Variants in PRKD3 observed in about 807,000 individuals in gnomAD.
PRKD3 encodes the protein protein kinase D3, also known as serine/threonine-protein kinase D3.
PRKD3 carries 47 observed loss-of-function variants against 99.2 expected under a neutral mutation model. That is an observed-to-expected ratio of 0.47 (90% CI 0.38 to 0.60). PRKD3 has a LOEUF of 0.60. PRKD3 is among the 20% of genes least tolerant of loss of function. The pLI is 0.00. For synonymous variants in PRKD3, 392 were observed against 355.4 expected (o/e 1.10, Z -1.16); for missense variants, 1,019 against 1,088.4 (o/e 0.94, Z 0.90).
chr2:37,272,317 T>C, intron 12 of PRKD3, 63 bp downstream of exon 12: 1 of 1,577,430 alleles, frequency 6.3e-7, no homozygotes, highest in Non-Finnish European at 8.6e-7. Flanking sequence ...AATAAAGATT[T>C]TCACCTTTTA....
In PRKD3 at chr2:37,269,657, C is replaced by T; in HGVS notation, c.1735G>A (p.Asp579Asn). ...AACTGGCCTGAACCAAGCACCTCAT[C>T]TGCAAAGATCTGGTAAACAGTACTG... ...DISTVYQIFA[D>N]EVLGSGQFGI... The change falls in exon 13 of 19, where the codon GAT (aspartate) becomes AAT (asparagine). Residue 579 changes from aspartate (D) to asparagine (N), a missense_variant. Physicochemically the swap from Asp to Asn is conservative, Grantham distance 23. This residue lies in a region of PRKD3 where 184 missense variants were observed against 275.1 expected (regional missense o/e 0.67). Coordinates refer to ENST00000234179, the MANE Select transcript of PRKD3 (RefSeq NM_005813.6). 3 of 1,612,702 alleles carry T rather than the reference C, an allele frequency of 1.9e-6. No individual in the cohort carries two copies. Among genetic ancestry groups the T allele is most frequent in the South Asian group, 1.1e-5 (1 of 91,044 alleles).
intron 2 of PRKD3, among the ~76,000 whole-genome samples, chr2:37,304,715 C>A (rs1671081404): frequency 1.4e-5 from 2 of 147,728 alleles, no homozygotes. Context: ...GCACTCCAGC[C>A]TGGGTGAAAG....
In PRKD3 at chr2:37,291,017, A is replaced by G. The variant is rs1277935641; in HGVS notation, c.428-18T>C. On this transcript the variant is annotated intron_variant, in intron 3 of 18. Transcript: ENST00000234179. ...GGCTAAAGCTTTAAAAAAGAAAAGT[A>G]TTACAATACACGTTGTATTTGTACT... 1 of 1,590,680 alleles carries G rather than the reference A, an allele frequency of 6.3e-7. No individual in the cohort carries two copies. The highest frequency in any genetic ancestry group is 1.8e-5 in the Admixed American group (1 of 56,060).
chr2:37,289,068 T>TA (rs1177999447), intron 5 of PRKD3, among the ~76,000 whole-genome samples: 21 of 109,452 alleles, frequency 1.9e-4, no homozygotes, highest in South Asian at 8.2e-4. Flanking sequence ...AAACAAAAAT[T>TA]AAAAAAAAAA....
chr2:37,253,097 A>G lies in PRKD3; in HGVS notation c.*80T>C. ...TCATATCTTTGCAGCACTGCAGATG[A>G]CAATCTACAAAGAACAAGTTACACA... is the stretch of plus-strand genomic sequence containing the variant. On this transcript the variant is annotated 3_prime_UTR_variant, in exon 19 of 19. Transcript: ENST00000234179. 1 of 1,380,184 alleles carries G rather than the reference A, an allele frequency of 7.2e-7. No homozygotes were observed. The highest frequency in any genetic ancestry group is 1.4e-5 in the South Asian group (1 of 70,658). 85.5% of individuals were successfully genotyped at this position (1,380,184 alleles called of 1,614,324 possible).
chr2:37,255,410 G>A (rs1357476787), intron 17 of PRKD3, among the ~76,000 whole-genome samples: 2 of 152,206 alleles, frequency 1.3e-5, no homozygotes, highest in South Asian at 2.1e-4. Context: ...GTTAAATAAT[G>A]TTTTAAGTAG....
intron 1 of PRKD3, among the ~76,000 whole-genome samples, chr2:37,321,157 C>T (rs1215556177): frequency 6.6e-6 from 1 of 152,032 alleles, no homozygotes; most frequent in Admixed American, 6.6e-5. Context: ...AACTATATAC[C>T]AATTATATAT....
chr2:37,285,114 C>T (rs948125592), intron 6 of PRKD3, among the ~76,000 whole-genome samples: 4 of 149,480 alleles, frequency 2.7e-5, no homozygotes, highest in African/African-American at 9.8e-5. Flanking sequence ...ATACCAAGAA[C>T]TGCTAATTAC....
Position 37,274,501 on chromosome 2 carries a change from T to C in PRKD3, c.1571A>G (p.Glu524Gly), listed in dbSNP as rs1207690269. The change falls in exon 11 of 19, where the codon GAA (glutamate) becomes GGA (glycine). Residue 524 changes from glutamate to glycine, a missense_variant. Around this residue, in one of 3 missense-constraint regions of PRKD3, gnomAD observed 710 missense variants for 692.7 expected, o/e 1.02. Transcript: ENST00000234179. ...GVGLDVAQSW[E>G]KAIRQALMPV... The stretch of plus-strand genomic sequence containing the variant: ...CATGAGGGCTTGGCGAATTGCTTTT[T>C]CCCAGCTCTGTGCTACATCAAGTCC... 1.2e-6 allele frequency: 2 copies of C among 1,614,160 alleles called. No individual in the cohort carries two copies. Among genetic ancestry groups the C allele is most frequent in the Non-Finnish European group, 1.7e-6 (2 of 1,180,004 alleles).
chr2:37,254,056 G>A (rs1667740168), intron 18 of PRKD3, 148 bp downstream of exon 18: 1 of 629,402 alleles, frequency 1.6e-6, no homozygotes, highest in Non-Finnish European at 2.8e-6. Flanking sequence ...ATGCTGTATG[G>A]TTTCCAGAGA....
intron 11 of PRKD3, among the ~76,000 whole-genome samples, chr2:37,274,027 C>A (rs1199382696): frequency 6.6e-6 from 1 of 152,048 alleles, no homozygotes; most frequent in Non-Finnish European, 1.5e-5. Flanking sequence ...ATATTAATAC[C>A]AGTAGCAGGC....
At chr2:37,274,269 AAG>A (rs1669447837) in intron 11 of PRKD3, 150 bp downstream of exon 11, 1 of 826,156 alleles carries the variant, frequency 1.2e-6, no homozygotes, top group Non-Finnish European at 1.8e-6. Flanking sequence ...AATTTTATAA[AAG>A]AGTTAACTAA....
At chr2:37,324,237 C>G in intron 1 of PRKD3, 1 of 985,488 alleles carries the variant, frequency 1.0e-6, no homozygotes, top group Non-Finnish European at 1.2e-6. Context: ...GGAAATGAAA[C>G]GAAAAAGCTG....
intron 14 of PRKD3, among the ~76,000 whole-genome samples, chr2:37,261,609 A>C (rs1358273409): frequency 6.6e-6 from 1 of 150,984 alleles, no homozygotes; most frequent in Non-Finnish European, 1.5e-5. Flanking sequence ...GGAGAAACCT[A>C]GTCTCTACTA....
intron 4 of PRKD3, among the ~76,000 whole-genome samples, chr2:37,289,832 A>G (rs1225110083): frequency 6.6e-6 from 1 of 152,230 alleles, no homozygotes; most frequent in Non-Finnish European, 1.5e-5. Context: ...GATGAGGCCC[A>G]GCAAAGTGTG....
At chr2:37,296,874 T>C (rs1351531865) in intron 2 of PRKD3, among the ~76,000 whole-genome samples, 3 of 126,078 alleles carry the variant, frequency 2.4e-5, no homozygotes, top group Non-Finnish European at 4.7e-5. Context: ...CACTCCAGCC[T>C]GGGCGACAAA....
Position 37,256,664 on chromosome 2 carries a change from TC to T in PRKD3, c.2410del (p.Glu804LysfsTer5). The T allele has an allele frequency of 1.1e-6, 1 of 881,942 alleles. No individual in the cohort carries two copies. The highest frequency in any genetic ancestry group is 1.7e-6 in the Non-Finnish European group (1 of 603,934). The allele number at this position is 881,942 out of a possible 1,614,324, so 54.6% of individuals were successfully genotyped here. A position where few individuals can be genotyped will look rare whatever the true frequency, so the allele number is the denominator to read the frequency against. ...TTTTTTTTTTTTTTTTTTTTTACCTTCACCAGAAATTTCTCTCCATGGATTT... is the reference window on the plus strand; with the variant it reads ...TTTTTTTTTTTTTTTTTTTTTACCTTACCAGAAATTTCTCTCCATGGATTT... ...PPNPWREISG[E>X]AIDLINNLLQ... On this transcript the variant is annotated frameshift_variant, in exon 17 of 19. Transcript: ENST00000234179. LOFTEE classifies it high-confidence loss of function.
At chr2:37,275,674 C>CAT (rs1669533570) in intron 10 of PRKD3, 93 bp downstream of exon 10, 75 of 1,343,514 alleles carry the variant, frequency 5.6e-5, no homozygotes, top group Non-Finnish European at 7.2e-5. Context: ...TAGCTAGAGT[C>CAT]ATATATATTC....
chr2:37,284,855 A>G (rs934835489), intron 6 of PRKD3, among the ~76,000 whole-genome samples: 7 of 152,126 alleles, frequency 4.6e-5, no homozygotes, highest in African/African-American at 1.7e-4. Context: ...GGTTAGTTAC[A>G]TATGTATACA....
Sources: gnomAD v4.1 joint callset for allele counts (sites outside exome capture counted in the v4.1 genomes callset) on GRCh38, gnomAD v4.1.1 for gene constraint, gnomAD v4.1.1 regional missense constraint, MANE v1.5 for transcripts, NCBI Gene and HGNC (gene_info 2026-07-23, HGNC 2026-07-21) for gene names.